Variants in ADAMTS17 observed in about 807,000 individuals in gnomAD.
ADAMTS17 encodes the protein ADAM metallopeptidase with thrombospondin type 1 motif 17, also known as A disintegrin and metalloproteinase with thrombospondin motifs 17.
A neutral mutation model predicts 141.5 loss-of-function variants in ADAMTS17; 113 were observed. That is an observed-to-expected ratio of 0.80 (90% confidence interval 0.69 to 0.93). ADAMTS17 has a LOEUF of 0.93. ADAMTS17 is among the 40% of genes least tolerant of loss of function. The probability of loss-of-function intolerance (pLI) is 0.00; values close to 1 mark genes in which losing one functional copy is unlikely to be tolerated. For missense variants in ADAMTS17, 1,659 were observed against 1,517.9 expected (o/e 1.09, Z -1.54); for synonymous variants, 768 against 630.6 (o/e 1.22, Z -3.27).
At chr15:100,140,814 A>C (rs2038606174) in intron 10 of ADAMTS17, among the ~76,000 whole-genome samples, 1 of 151,840 alleles carries the variant, frequency 6.6e-6, no homozygotes, top group Admixed American at 6.6e-5. Flanking sequence ...GTGAGTGTCC[A>C]TCCTCTCATC....
intron 8 of ADAMTS17, among the ~76,000 whole-genome samples, chr15:100,187,576 T>G (rs1224373909): frequency 6.6e-6 from 1 of 152,198 alleles, no homozygotes. Context: ...TCCAGAAGTT[T>G]CCACCCAGCA....
At chr15:100,218,882 AACGTCCACCTGAACACGCAC>A (rs149291907) in intron 7 of ADAMTS17, among the ~76,000 whole-genome samples, 24,645 of 151,546 alleles carry the variant, frequency 0.16, 2,204 homozygotes, top group East Asian at 0.35. Flanking sequence ...TGAACACGCA[AACGTCCACCTGAACACGCAC>A]ACGTCCACCT....
rs2041235953 is a variant in ADAMTS17 at position 100,199,392 on chromosome 15, A to G, written c.1107T>C (p.Ala369=). ...GIAYLGGVCS[A]KRKCVLAEDN... is the part of the protein sequence containing the mutation. ...CTTCGGCAAGCACACACTTCCTCTTAGCACTGCACACACCTCCTAAGTAAG... is the reference window on the plus strand; with the variant it reads ...CTTCGGCAAGCACACACTTCCTCTTGGCACTGCACACACCTCCTAAGTAAG... Residue 369 remains alanine (A), a synonymous_variant, in exon 8 of 22, where the codon GCT becomes GCC. Transcript: ENST00000268070. The G allele has an allele frequency of 6.2e-7, 1 of 1,614,074 alleles. No homozygotes were observed. The highest frequency in any genetic ancestry group is 1.3e-5 in the African/African-American group (1 of 74,938).
chr15:100,270,071 G>T (rs899884070), intron 4 of ADAMTS17, among the ~76,000 whole-genome samples: 1 of 152,156 alleles, frequency 6.6e-6, no homozygotes, highest in Non-Finnish European at 1.5e-5. Context: ...GGCTTCATAA[G>T]CTCTTAAAAA....
rs868027486 is a variant in ADAMTS17 at position 100,027,982 on chromosome 15, T to C, written c.2591+20875A>G. On this transcript the variant is annotated intron_variant, in intron 18 of 21. Coordinates refer to ENST00000268070, the MANE Select transcript of ADAMTS17 (RefSeq NM_139057.4). ...CTCCTGACCCCATGGCAGTCCCCAC[T>C]GGGGAGCCCTACCCAGAGAAGTCAC... Among the ~76,000 whole-genome samples the C allele has an allele frequency of 7.9e-5, 12 of 152,220 alleles. No individual in the cohort carries two copies. In the South Asian group the frequency reaches 2.5e-3, roughly 32 times the overall value.
intron 18 of ADAMTS17, among the ~76,000 whole-genome samples, chr15:100,043,511 G>A (rs1303260111): frequency 6.6e-6 from 1 of 152,196 alleles, no homozygotes; most frequent in African/African-American, 2.4e-5. Flanking sequence ...CTGAGAGCGT[G>A]GTGCCAATAT....
At chr15:100,118,948 G>T (rs1028803642) in intron 12 of ADAMTS17, among the ~76,000 whole-genome samples, 1 of 151,994 alleles carries the variant, frequency 6.6e-6, no homozygotes, top group African/African-American at 2.4e-5. Context: ...GGTCAACAGG[G>T]CACAGACAAA....
chr15:100,178,818 T>C (rs1050574396), intron 8 of ADAMTS17, among the ~76,000 whole-genome samples: 6 of 152,330 alleles, frequency 3.9e-5, no homozygotes, highest in African/African-American at 9.6e-5. Flanking sequence ...TTATTTGATA[T>C]AGGATTGAAA....
intron 8 of ADAMTS17, among the ~76,000 whole-genome samples, chr15:100,165,008 A>G (rs2039891177): frequency 6.6e-6 from 1 of 152,178 alleles, no homozygotes; most frequent in East Asian, 1.9e-4. Flanking sequence ...TTTGGCTCCC[A>G]ACAGTAGATC....
intron 18 of ADAMTS17, among the ~76,000 whole-genome samples, chr15:100,003,520 T>C (rs1334118536): frequency 2.6e-5 from 4 of 152,062 alleles, no homozygotes; most frequent in African/African-American, 9.7e-5. Flanking sequence ...AGTGTTAGAA[T>C]GATGCATAGC....
At chr15:100,170,206 T>C (rs1431149088) in intron 8 of ADAMTS17, among the ~76,000 whole-genome samples, 3 of 152,178 alleles carry the variant, frequency 2.0e-5, no homozygotes, top group Non-Finnish European at 4.4e-5. Context: ...CCTCCCCTTT[T>C]AGTTACCTTA....
rs2060699743 is a variant in ADAMTS17 at position 99,992,005 on chromosome 15, C to G, written c.2949+1043G>C. On this transcript the variant is annotated intron_variant, in intron 20 of 21. Transcript: ENST00000268070. ...TATGGACACAGGGAGGGGAACATCACACACCAGGGACTGTCGTAGGGTGGG... is the reference window on the plus strand; with the variant it reads ...TATGGACACAGGGAGGGGAACATCAGACACCAGGGACTGTCGTAGGGTGGG... Among the ~76,000 whole-genome samples the G allele has an allele frequency of 2.0e-5, 3 of 151,940 alleles. 1 individual carries two copies. The South Asian group carries it at 6.2e-4, about 32-fold the overall frequency.
At chr15:100,315,749 C>G (rs893430070) in intron 3 of ADAMTS17, among the ~76,000 whole-genome samples, 2 of 151,592 alleles carry the variant, frequency 1.3e-5, no homozygotes, top group Non-Finnish European at 2.9e-5. Context: ...CACTCACACA[C>G]AGTCACTGAA....
At position 100,163,724 on chromosome 15, in the gene ADAMTS17, G is replaced by T. The variant is rs117559999; in HGVS notation, c.1182-8404C>A. 6.4e-3 allele frequency among the ~76,000 whole-genome samples: 979 copies of T among 152,340 alleles called. 7 individuals are homozygous for T. Among genetic ancestry groups the T allele is most frequent in the Middle Eastern group, 0.01 (3 of 294 alleles). ...CAACAGTGGCAGGAAATCTGGGTAT[G>T]AAGGATGTAGACAGACACAGTTGAA... On this transcript the variant is annotated intron_variant, in intron 8 of 21. Transcript: ENST00000268070.
chr15:100,162,350 T>C (rs1596149341), intron 8 of ADAMTS17, among the ~76,000 whole-genome samples: 1 of 148,484 alleles, frequency 6.7e-6, no homozygotes, highest in African/African-American at 2.5e-5. Flanking sequence ...CCTATATACC[T>C]ATATATAACT....
intron 10 of ADAMTS17, among the ~76,000 whole-genome samples, chr15:100,140,918 G>T (rs2038612905): frequency 6.6e-6 from 1 of 152,044 alleles, no homozygotes; most frequent in South Asian, 2.1e-4. Context: ...CACGTCCCTG[G>T]GCTTCAGCGA....
intron 10 of ADAMTS17, among the ~76,000 whole-genome samples, chr15:100,145,062 TTCA>T (rs1240897791): frequency 1.3e-5 from 2 of 152,350 alleles, no homozygotes; most frequent in Non-Finnish European, 2.9e-5. Context: ...TCTGTCATAT[TTCA>T]TCATTTTTTG....
At chr15:100,090,832 C>A (rs866278109) in intron 15 of ADAMTS17, among the ~76,000 whole-genome samples, 2 of 149,812 alleles carry the variant, frequency 1.3e-5, no homozygotes, top group African/African-American at 2.4e-5. Flanking sequence ...ACGGTGAAAC[C>A]CCATCTCTAC....
At chr15:100,263,352 C>T (rs2142002085) in intron 4 of ADAMTS17, among the ~76,000 whole-genome samples, 1 of 152,312 alleles carries the variant, frequency 6.6e-6, no homozygotes, top group African/African-American at 2.4e-5. Flanking sequence ...GATTCAAACT[C>T]AGCCCTGTCC....
Sources: gnomAD v4.1 joint callset for allele counts (sites outside exome capture counted in the v4.1 genomes callset) on GRCh38, gnomAD v4.1.1 for gene constraint, MANE v1.5 for transcripts, NCBI Gene and HGNC (gene_info 2026-07-23, HGNC 2026-07-21) for gene names.